HIVEP3: variants seen among roughly 807,000 people sequenced by gnomAD.
HIVEP3 encodes the protein transcription factor HIVEP3.
A neutral mutation model predicts 152.8 loss-of-function variants in HIVEP3; 49 were observed. The observed-to-expected ratio is 0.32, with a 90% CI of 0.26 to 0.41. The LOEUF (loss-of-function observed/expected upper bound fraction) is 0.41, where lower values mean the gene tolerates loss of function less well. Ranked by LOEUF, HIVEP3 falls within the 10% of genes least tolerant of loss-of-function variation. HIVEP3 has a pLI of 1.00. For synonymous variants in HIVEP3, 1,269 were observed against 1,289.0 expected (o/e 0.98, Z 0.33); for missense variants, 2,790 against 3,103.3 (o/e 0.90, Z 2.40).
rs937072241 is a variant in HIVEP3 at position 41,776,642 on chromosome 1, G to A, written c.-800-75647C>T. 1.1e-4 allele frequency among the ~76,000 whole-genome samples: 16 copies of A among 152,314 alleles called. No homozygotes were observed. In the South Asian group the frequency reaches 3.3e-3, roughly 32 times the overall value. On this transcript the variant is annotated intron_variant, in intron 1 of 8. Coordinates refer to ENST00000372583, the MANE Select transcript of HIVEP3 (RefSeq NM_024503.5). The stretch of plus-strand genomic sequence containing the variant: ...CTTTACCTGGATTTCTTGGTTTTAC[G>A]ATATAGTCTTCAGGGGTGGGGGTAT...
chr1:41,990,372 T>G (rs1645352747), intron 1 of HIVEP3, among the ~76,000 whole-genome samples: 1 of 151,968 alleles, frequency 6.6e-6, no homozygotes. Context: ...CTTCACAGAC[T>G]TTAAACCAAC....
At chr1:41,617,761 A>T (rs1391316293) in intron 3 of HIVEP3, among the ~76,000 whole-genome samples, 1 of 152,138 alleles carries the variant, frequency 6.6e-6, no homozygotes, top group Non-Finnish European at 1.5e-5. Flanking sequence ...TGAGAAAGAG[A>T]CCCTTTGTGA....
chr1:41,765,127 A>C (rs1371703092), intron 1 of HIVEP3, among the ~76,000 whole-genome samples: 2 of 152,070 alleles, frequency 1.3e-5, no homozygotes, highest in Non-Finnish European at 2.9e-5. Flanking sequence ...TTTTGGATTT[A>C]GGGGGCTCCC....
chr1:41,886,296 T>TG (rs1644345458), intron 1 of HIVEP3, among the ~76,000 whole-genome samples: 2 of 152,134 alleles, frequency 1.3e-5, no homozygotes, highest in Admixed American at 6.5e-5. Flanking sequence ...CAAAGTCAAG[T>TG]GATTGTTAGC....
intron 3 of HIVEP3, among the ~76,000 whole-genome samples, chr1:41,615,458 G>A (rs1644954521): frequency 6.6e-6 from 1 of 152,206 alleles, no homozygotes; most frequent in Admixed American, 6.5e-5. Flanking sequence ...GGGGTCTAAA[G>A]TCCACGTTTG....
intron 2 of HIVEP3, among the ~76,000 whole-genome samples, chr1:41,634,776 T>C (rs72953396): frequency 8.5e-5 from 13 of 152,298 alleles, no homozygotes; most frequent in African/African-American, 3.1e-4. Flanking sequence ...GAAGAGTCTA[T>C]TTCTCCAAGG....
chr1:41,553,197 ATATATT>A (rs1173003746), intron 5 of HIVEP3, among the ~76,000 whole-genome samples: 2 of 152,158 alleles, frequency 1.3e-5, no homozygotes, highest in Non-Finnish European at 2.9e-5. Context: ...TTGGGTGCAT[ATATATT>A]TAGGATAGTT....
At chr1:41,548,642 TC>T (rs1444330208) in intron 5 of HIVEP3, among the ~76,000 whole-genome samples, 1 of 152,086 alleles carries the variant, frequency 6.6e-6, no homozygotes, top group Non-Finnish European at 1.5e-5. Flanking sequence ...TTCAAGTGAT[TC>T]TCCTGCCTCA....
intron 1 of HIVEP3, among the ~76,000 whole-genome samples, chr1:41,993,822 A>G (rs1570876650): frequency 6.6e-6 from 1 of 151,932 alleles, no homozygotes; most frequent in East Asian, 1.9e-4. Flanking sequence ...ATGCAGCCAT[A>G]AAAAATGATG....
intron 1 of HIVEP3, among the ~76,000 whole-genome samples, chr1:41,849,630 T>C (rs1026855127): frequency 1.3e-5 from 2 of 151,978 alleles, no homozygotes; most frequent in African/African-American, 4.8e-5. Flanking sequence ...TGCACAGACA[T>C]GCAACTACTT....
chr1:41,544,975 C>T (rs1569845498), intron 5 of HIVEP3, among the ~76,000 whole-genome samples: 1 of 67,280 alleles, frequency 1.5e-5, no homozygotes, highest in Non-Finnish European at 3.5e-5. Context: ...ACCACCACCA[C>T]TATCACCGCC....
chr1:41,607,334 A>G (rs1047540745), intron 3 of HIVEP3, among the ~76,000 whole-genome samples: 3 of 152,222 alleles, frequency 2.0e-5, no homozygotes, highest in Non-Finnish European at 4.4e-5. Context: ...GAAATGACCA[A>G]TCTGGTCTTC....
At chr1:41,809,289 G>A (rs1305040155) in intron 1 of HIVEP3, among the ~76,000 whole-genome samples, 1 of 152,218 alleles carries the variant, frequency 6.6e-6, no homozygotes, top group Non-Finnish European at 1.5e-5. Flanking sequence ...GGCTCAGACA[G>A]CTTTTTATAT....
At chr1:41,608,794 G>T (rs1207362757) in intron 3 of HIVEP3, among the ~76,000 whole-genome samples, 2 of 152,048 alleles carry the variant, frequency 1.3e-5, no homozygotes, top group Non-Finnish European at 2.9e-5. Flanking sequence ...GCTTTCAGCT[G>T]GGCACGGTGG....
At chr1:41,701,020 A>C (rs1166519796) in intron 1 of HIVEP3, 25 bp from the exon 2 acceptor site, 3 of 947,394 alleles carry the variant, frequency 3.2e-6, no homozygotes, top group Non-Finnish European at 3.8e-6. Flanking sequence ...GAAAGTGAGA[A>C]TATTATGCCA....
Position 41,873,738 on chromosome 1 carries a change from G to A in HIVEP3, c.-801+44675C>T, listed in dbSNP as rs1644121489. Among the ~76,000 whole-genome samples, 1 of 152,178 alleles carries A rather than the reference G, an allele frequency of 6.6e-6. No individual in the cohort carries two copies. Among genetic ancestry groups the A allele is most frequent in the Non-Finnish European group, 1.5e-5 (1 of 68,028 alleles). ...GAAGAAGGAGGGAAAAAAGGACAGA[G>A]GGAAGGAGGAGGATTAGAATTCCTC... On this transcript the variant is annotated intron_variant, in intron 1 of 8. Coordinates refer to ENST00000372583, the MANE Select transcript of HIVEP3 (RefSeq NM_024503.5). This position sits in a 1 kb window ranked among gnomAD's most constrained non-coding sequence, Gnocchi z 4.2.
chr1:41,811,686 C>T (rs188338962), intron 1 of HIVEP3, among the ~76,000 whole-genome samples: 1 of 151,548 alleles, frequency 6.6e-6, no homozygotes, highest in African/African-American at 2.4e-5. Flanking sequence ...GCTTGGAGCA[C>T]CACGGGGAGG....
At chr1:41,607,754 C>T (rs9988593) in intron 3 of HIVEP3, among the ~76,000 whole-genome samples, 3,553 of 152,288 alleles carry the variant, frequency 0.023, 140 homozygotes, top group African/African-American at 0.082. Context: ...ATAACAAGGA[C>T]CTAACTGCAG....
At chr1:42,031,459 A>C (rs1424625750) in intron 1 of HIVEP3, among the ~76,000 whole-genome samples, 1 of 152,038 alleles carries the variant, frequency 6.6e-6, no homozygotes, top group Non-Finnish European at 1.5e-5. Flanking sequence ...GAGTTTTCCA[A>C]CTTCAACACT....
Sources: gnomAD v4.1 joint callset for allele counts (sites outside exome capture counted in the v4.1 genomes callset) on GRCh38, gnomAD v4.1.1 for gene constraint, Gnocchi (gnomAD v3.1) non-coding constraint, MANE v1.5 for transcripts, NCBI Gene and HGNC (gene_info 2026-07-23, HGNC 2026-07-21) for gene names.